Variants in SKI observed in about 807,000 individuals in gnomAD.
The protein encoded by SKI is SKI proto-oncogene.
A neutral mutation model predicts 59.3 loss-of-function variants in SKI; 23 were observed. The ratio of observed to expected loss-of-function variants is 0.39; its 90% CI spans 0.28 to 0.55. SKI has a LOEUF of 0.55. SKI is among the 20% of genes least tolerant of loss of function. SKI has a pLI of 0.67. For missense variants in SKI, 1,017 were observed against 1,038.9 expected, an observed-to-expected ratio of 0.98 and a Z score of 0.29; for synonymous variants, 673 against 488.6, an observed-to-expected ratio of 1.38 and a Z score of -4.98.
chr1:2,305,747 G>A (rs1640556944), intron 5 of SKI, among the ~76,000 whole-genome samples: 1 of 152,220 alleles, frequency 6.6e-6, no homozygotes, highest in East Asian at 1.9e-4. Flanking sequence ...CCTAGATACC[G>A]GGGGAGGCCC....
intron 1 of SKI, among the ~76,000 whole-genome samples, chr1:2,283,721 A>G (rs913785031): frequency 1.1e-4 from 16 of 152,206 alleles, no homozygotes; most frequent in African/African-American, 3.6e-4. Context: ...CCTGCTGCCC[A>G]TGGCCCGGAA....
At chr1:2,291,119 C>G (rs891401410) in intron 1 of SKI, among the ~76,000 whole-genome samples, 2 of 152,202 alleles carry the variant, frequency 1.3e-5, no homozygotes, top group African/African-American at 4.8e-5. Context: ...AGACGAGCTG[C>G]GAATGCAGGC....
intron 1 of SKI, among the ~76,000 whole-genome samples, chr1:2,280,589 G>A (rs936627843): frequency 1.3e-4 from 19 of 148,484 alleles, no homozygotes; most frequent in African/African-American, 2.7e-4. Flanking sequence ...AGGCGGCGGC[G>A]GCGATCTTCA....
intron 1 of SKI, among the ~76,000 whole-genome samples, chr1:2,300,556 C>T (rs1289653014): frequency 6.6e-6 from 1 of 152,242 alleles, no homozygotes; most frequent in Non-Finnish European, 1.5e-5. Flanking sequence ...AGACGGCTGT[C>T]TGCTTCCTGG....
intron 1 of SKI, among the ~76,000 whole-genome samples, chr1:2,298,965 C>T (rs908132228): frequency 3.9e-5 from 6 of 152,186 alleles, no homozygotes; most frequent in African/African-American, 4.8e-5. Flanking sequence ...TTGGGTGGAG[C>T]CTTGCCTGCT....
chr1:2,285,944 G>C (rs1204399901), intron 1 of SKI, among the ~76,000 whole-genome samples: 2 of 145,554 alleles, frequency 1.4e-5, no homozygotes, highest in Non-Finnish European at 3.0e-5. Context: ...CACGATCTCG[G>C]CTCACTGCAA....
intron 1 of SKI, among the ~76,000 whole-genome samples, chr1:2,259,709 C>T (rs2100836274): frequency 6.6e-6 from 1 of 152,340 alleles, no homozygotes; most frequent in East Asian, 1.9e-4. Context: ...ACCCACACCC[C>T]TTTCTCCCCA....
chr1:2,234,538 G>C (rs532553688), intron 1 of SKI, among the ~76,000 whole-genome samples: 3 of 152,332 alleles, frequency 2.0e-5, no homozygotes, highest in African/African-American at 7.2e-5. Flanking sequence ...CCCCGCCCTG[G>C]AGTCTCTCGG....
chr1:2,295,428 T>C (rs1451094211), intron 1 of SKI, among the ~76,000 whole-genome samples: 4 of 152,270 alleles, frequency 2.6e-5, no homozygotes, highest in Non-Finnish European at 5.9e-5. Flanking sequence ...ATAAAATTCT[T>C]CCTTCCACAG....
At chr1:2,255,670 T>C (rs1220006528) in intron 1 of SKI, among the ~76,000 whole-genome samples, 1 of 152,066 alleles carries the variant, frequency 6.6e-6, no homozygotes, top group African/African-American at 2.4e-5. Context: ...CCTCATTTCC[T>C]GTCTGGATCT....
intron 1 of SKI, among the ~76,000 whole-genome samples, chr1:2,289,107 T>C (rs552865943): frequency 6.6e-6 from 1 of 152,300 alleles, no homozygotes; most frequent in African/African-American, 2.4e-5. Flanking sequence ...ACCTGGTGGC[T>C]CAGGCCCTCA....
At chr1:2,284,095 C>T (rs1406548252) in intron 1 of SKI, among the ~76,000 whole-genome samples, 4 of 152,218 alleles carry the variant, frequency 2.6e-5, no homozygotes, top group African/African-American at 4.8e-5. Context: ...CCATGAATGC[C>T]CGGGGCTTGG....
chr1:2,233,391 C>G (rs1474003225), intron 1 of SKI, among the ~76,000 whole-genome samples: 1 of 152,144 alleles, frequency 6.6e-6, no homozygotes, highest in Non-Finnish European at 1.5e-5. Flanking sequence ...CACGTGCAGT[C>G]TGGGCATTCT....
At chr1:2,295,704 GGGCCACGTGTGGCTATGTGTCCA>G (rs200597783) in intron 1 of SKI, among the ~76,000 whole-genome samples, 51,192 of 151,662 alleles carry the variant, frequency 0.34, 9,367 homozygotes, top group African/African-American at 0.48. Context: ...CTGTGTGTCC[GGGCCACGTGTGGCTATGTGTCCA>G]GGCCACGTGT....
rs184330809 is a variant in SKI at position 2,307,140 on chromosome 1, C to A, written c.*375C>A. ...AATGACTAACTTCTAAAAGCCCCAACACATGACGCCATCTGAAGACCCGCA... is the reference window on the plus strand; with the variant it reads ...AATGACTAACTTCTAAAAGCCCCAAAACATGACGCCATCTGAAGACCCGCA... On this transcript the variant is annotated 3_prime_UTR_variant, in exon 7 of 7. Coordinates refer to ENST00000378536, the MANE Select transcript of SKI (RefSeq NM_003036.4). 2.3e-3 allele frequency: 370 copies of A among 158,126 alleles called. 8 individuals carry two copies. The highest frequency in any genetic ancestry group is 0.022 in the Admixed American group (336 of 15,400). 9.8% of individuals were successfully genotyped at this position (158,126 alleles called of 1,614,324 possible).
intron 1 of SKI, among the ~76,000 whole-genome samples, chr1:2,263,741 A>G: frequency 6.6e-6 from 1 of 151,566 alleles, no homozygotes; most frequent in South Asian, 2.1e-4. Flanking sequence ...TCATGCCTGT[A>G]ATCCCAGCAC....
intron 1 of SKI, among the ~76,000 whole-genome samples, chr1:2,271,638 A>T (rs545798946): frequency 6.6e-6 from 1 of 151,680 alleles, no homozygotes; most frequent in Admixed American, 6.5e-5. Context: ...CCTTTGTCCC[A>T]TTGAGCCCCG....
intron 1 of SKI, among the ~76,000 whole-genome samples, chr1:2,255,543 G>A (rs1402177576): frequency 6.7e-6 from 1 of 150,232 alleles, no homozygotes; most frequent in African/African-American, 2.5e-5. Context: ...TCCTGTCTGT[G>A]CCGCTCTGTC....
At position 2,261,539 on chromosome 1, in the gene SKI, A is replaced by G. The variant is rs1231455024; in HGVS notation, c.969+31804A>G. Among the ~76,000 whole-genome samples the G allele has an allele frequency of 2.6e-5, 4 of 152,322 alleles. No homozygotes were observed. In the East Asian group the frequency reaches 7.7e-4, roughly 29 times the overall value. On this transcript the variant is annotated intron_variant, in intron 1 of 6. Coordinates refer to ENST00000378536, the MANE Select transcript of SKI (RefSeq NM_003036.4). ...TGGTCTTGTAAATAATATATTTTAA[A>G]AATTCGATTACTGGATATAAACGGC... is the stretch of plus-strand genomic sequence containing the variant.
Sources: gnomAD v4.1 joint callset for allele counts (sites outside exome capture counted in the v4.1 genomes callset) on GRCh38, gnomAD v4.1.1 for gene constraint, MANE v1.5 for transcripts, NCBI Gene and HGNC (gene_info 2026-07-23, HGNC 2026-07-21) for gene names.